The following UTP20 variants were observed in gnomAD, a reference collection of about 807,000 sequenced individuals.
UTP20 encodes small subunit processome component 20 homolog.
UTP20 carries 164 observed loss-of-function variants against 329.5 expected under a neutral mutation model. The ratio of observed to expected loss-of-function variants is 0.50; its 90% CI spans 0.44 to 0.57. The LOEUF (loss-of-function observed/expected upper bound fraction) is 0.57. Among genes scored for constraint, UTP20 ranks in the 20% least tolerant of loss-of-function variants. The pLI, the probability that UTP20 is intolerant of heterozygous loss-of-function variation, is 0.00. For synonymous variants in UTP20, 1,151 were observed against 1,159.3 expected, an observed-to-expected ratio of 0.99 and a Z score of 0.14; for missense variants, 3,055 against 3,284.2, an observed-to-expected ratio of 0.93 and a Z score of 1.71.
intron 12 of UTP20, among the ~76,000 whole-genome samples, chr12:101,296,603 G>A (rs1872363156): frequency 7.1e-6 from 1 of 141,392 alleles, no homozygotes; most frequent in East Asian, 2.1e-4. Flanking sequence ...AAAAAATTAG[G>A]TGGGTGTGGT....
At position 101,373,445 on chromosome 12, in the gene UTP20, C is replaced by T; in HGVS notation, c.6923C>T (p.Ala2308Val). ...TGRESTLEMI[A>V]YLFDTFPQGL... is the part of the protein sequence containing the mutation. ...AGAGAGTCCACCTTGGAAATGATCG[C>T]CTATCTCTTTGACACGTTCCCTCAG... The change falls in exon 53 of 62, where the codon GCC (alanine) becomes GTC (valine). Residue 2308 changes from alanine (A) to valine (V), a missense_variant. Ala to Val is a moderately conservative substitution (Grantham distance 64). This residue lies in a region of UTP20 where 273 missense variants were observed against 363.1 expected (regional missense o/e 0.75). Coordinates refer to ENST00000261637, the MANE Select transcript of UTP20 (RefSeq NM_014503.3). The T allele has an allele frequency of 1.2e-6, 2 of 1,614,212 alleles. 1 individual carries two copies. The highest frequency in any genetic ancestry group is 2.2e-5 in the South Asian group (2 of 91,082).
chr12:101,367,923 C>A lies in UTP20; in HGVS notation c.6331C>A (p.Leu2111Met). The A allele has an allele frequency of 6.2e-7, 1 of 1,613,790 alleles. No homozygotes were observed. The highest frequency in any genetic ancestry group is 8.5e-7 in the Non-Finnish European group (1 of 1,179,772). ...KSSGECVLEM[L>M]DPFVSLLIDC... ...TTCAGGTGAATGTGTCCTGGAAATG[C>A]TGGATCCTTTTGTGTCTCTCCTCAT... The change falls in exon 48 of 62, where the codon CTG becomes ATG. Residue 2111 changes from leucine to methionine, a missense_variant. This residue lies in a region of UTP20 where 2,445 missense variants were observed against 2,575.5 expected (regional missense o/e 0.95). Coordinates refer to ENST00000261637, the MANE Select transcript of UTP20 (RefSeq NM_014503.3).
chr12:101,348,789 C>G (rs1399077222), intron 38 of UTP20, among the ~76,000 whole-genome samples: 1 of 119,814 alleles, frequency 8.3e-6, no homozygotes, highest in East Asian at 2.7e-4. Context: ...GTTGCTCAGG[C>G]TGGTCTTAAA....
chr12:101,299,992 G>T lies in UTP20; in HGVS notation c.1606G>T (p.Val536Leu), dbSNP rs1405274243. The change falls in exon 14 of 62, where the codon GTG becomes TTG. Residue 536 changes from valine (V) to leucine (L), a missense_variant. Val to Leu is a conservative substitution (Grantham distance 32). Coordinates refer to ENST00000261637, the MANE Select transcript of UTP20 (RefSeq NM_014503.3). ...PHIRPLEKEK[V>L]IPLVTGFIEA... ...GGACAGACCTCTTGAGAAAGAGAAG[G>T]TGATACCACTCGTCACCGGCTTCAT... 1.2e-6 allele frequency: 2 copies of T among 1,614,132 alleles called. No homozygotes were observed. The highest frequency in any genetic ancestry group is 1.1e-5 in the South Asian group (1 of 91,088).
intron 14 of UTP20, among the ~76,000 whole-genome samples, chr12:101,301,531 G>A (rs141921971): frequency 2.0e-5 from 3 of 151,776 alleles, no homozygotes; most frequent in Non-Finnish European, 2.9e-5. Flanking sequence ...AGCTGGGTAT[G>A]ATAGCACATG....
intron 17 of UTP20, 120 bp downstream of exon 17, chr12:101,306,881 T>C: frequency 9.4e-7 from 1 of 1,060,820 alleles, no homozygotes. Flanking sequence ...GTCGTAAAAA[T>C]TGATTTTTTT....
At chr12:101,357,475 G>T (rs906646112) in intron 43 of UTP20, among the ~76,000 whole-genome samples, 1 of 152,202 alleles carries the variant, frequency 6.6e-6, no homozygotes, top group Admixed American at 6.5e-5. Flanking sequence ...AAGGGGCTGG[G>T]TGCAGTGGCT....
chr12:101,384,479 T>G (rs1428515766), intron 60 of UTP20, among the ~76,000 whole-genome samples: 1 of 152,204 alleles, frequency 6.6e-6, no homozygotes, highest in African/African-American at 2.4e-5. Flanking sequence ...AGGTCGAGGC[T>G]TCAGTGAGCC....
At chr12:101,292,159 G>A in intron 10 of UTP20, 55 bp downstream of exon 10, 9 of 1,567,750 alleles carry the variant, frequency 5.7e-6, no homozygotes, top group Non-Finnish European at 7.8e-6. Context: ...TTAGCATTGA[G>A]TAACCTTCTG....
intron 54 of UTP20, among the ~76,000 whole-genome samples, chr12:101,374,126 T>C (rs1438660897): frequency 6.7e-6 from 1 of 150,176 alleles, no homozygotes; most frequent in African/African-American, 2.4e-5. Flanking sequence ...TCCCAGCTAC[T>C]TGGGAGGCTG....
chr12:101,367,814 G>GA, intron 47 of UTP20, 46 bp from the exon 48 acceptor site: 1 of 1,200,162 alleles, frequency 8.3e-7, no homozygotes, highest in Non-Finnish European at 1.2e-6. Context: ...TAACTCATCT[G>GA]GTCTAATGGG....
At chr12:101,372,567 G>A (rs1429782695) in intron 51 of UTP20, among the ~76,000 whole-genome samples, 1 of 152,232 alleles carries the variant, frequency 6.6e-6, no homozygotes, top group Non-Finnish European at 1.5e-5. Flanking sequence ...TGGTACACCT[G>A]TCACCACCTG....
intron 25 of UTP20, among the ~76,000 whole-genome samples, chr12:101,324,596 A>G (rs1868495618): frequency 1.3e-5 from 2 of 152,300 alleles, no homozygotes; most frequent in South Asian, 4.1e-4. Flanking sequence ...TATGCACTAA[A>G]TATCCATGTA....
intron 38 of UTP20, among the ~76,000 whole-genome samples, chr12:101,350,954 A>G (rs1289013184): frequency 6.6e-6 from 1 of 152,088 alleles, no homozygotes; most frequent in Non-Finnish European, 1.5e-5. Flanking sequence ...CTCCTAACTC[A>G]GAAAGACCAC....
chr12:101,280,219 T>C lies in UTP20; in HGVS notation c.-64T>C. ...TAGCCTGTGAGCCGCTTTCCCCTCC[T>C]TACTGTCGGTTGCATCCCTTCGACA... is the stretch of plus-strand genomic sequence containing the variant. On this transcript the variant is annotated 5_prime_UTR_variant, in exon 1 of 62. Transcript: ENST00000261637. 6.5e-7 allele frequency: 1 copy of C among 1,544,112 alleles called. No homozygotes were observed. The highest frequency in any genetic ancestry group is 1.2e-5 in the South Asian group (1 of 83,690).
intron 49 of UTP20, 88 bp from the exon 50 acceptor site, chr12:101,370,344 A>T: frequency 7.0e-7 from 1 of 1,419,302 alleles, no homozygotes; most frequent in Non-Finnish European, 9.5e-7. Flanking sequence ...GGAAAAGCAT[A>T]CTTGTGTGTT....
chr12:101,282,244 G>A (rs1339340850), intron 2 of UTP20, among the ~76,000 whole-genome samples: 2 of 152,016 alleles, frequency 1.3e-5, no homozygotes, highest in African/African-American at 2.4e-5. Flanking sequence ...CATAGTAAAG[G>A]GAACCTAACC....
chr12:101,384,915 C>T (rs1444051204), intron 60 of UTP20, among the ~76,000 whole-genome samples: 1 of 152,214 alleles, frequency 6.6e-6, no homozygotes, highest in East Asian at 1.9e-4. Flanking sequence ...CTAATATCTG[C>T]CAGGCACTAG....
intron 41 of UTP20, among the ~76,000 whole-genome samples, chr12:101,356,064 T>G (rs1869710445): frequency 6.6e-6 from 1 of 152,266 alleles, no homozygotes; most frequent in Non-Finnish European, 1.5e-5. Context: ...ATTAGATATT[T>G]GGTTTGTTTT....
Sources: allele counts gnomAD v4.1 joint callset (sites outside exome capture counted in the v4.1 genomes callset), GRCh38; gene constraint gnomAD v4.1.1; regional missense constraint gnomAD v4.1.1; transcripts MANE v1.5; gene names NCBI Gene and HGNC (gene_info 2026-07-23, HGNC 2026-07-21).